Variants in FRAS1 observed in about 807,000 individuals in gnomAD.
FRAS1 encodes the protein Fraser extracellular matrix complex subunit 1.
Under a neutral mutation model 435.2 loss-of-function variants are expected in FRAS1, and 290 were observed. The ratio of observed to expected loss-of-function variants is 0.67; its 90% CI spans 0.61 to 0.73. The LOEUF is 0.73. FRAS1 is among the 30% of genes least tolerant of loss of function. The pLI is 0.00. For synonymous variants in FRAS1, 1,800 were observed against 1,851.0 expected (o/e 0.97, Z 0.71); for missense variants, 4,860 against 5,001.5 (o/e 0.97, Z 0.85).
intron 20 of FRAS1, among the ~76,000 whole-genome samples, chr4:78,339,274 T>G (rs1201521406): frequency 1.3e-5 from 2 of 152,250 alleles, no homozygotes; most frequent in Non-Finnish European, 2.9e-5. Context: ...ACTCTGAGAA[T>G]TAAATTGCTC....
chr4:78,503,138 C>T (rs1053189818), intron 61 of FRAS1, among the ~76,000 whole-genome samples: 19 of 152,100 alleles, frequency 1.2e-4, no homozygotes, highest in African/African-American at 4.6e-4. Context: ...TGAGGATTTT[C>T]GCATTGATGG....
In FRAS1 at chr4:78,446,718, T is replaced by C. The variant is rs758404916; in HGVS notation, c.5857-9T>C. On this transcript the variant is annotated splice_polypyrimidine_tract_variant and intron_variant, in intron 42 of 73. Coordinates refer to ENST00000512123, the MANE Select transcript of FRAS1 (RefSeq NM_025074.7). ...CTGTGTGAGATCTAATAGTTTATGC[T>C]TTAATCAGAGGAAGAACGATGAGCC... The C allele has an allele frequency of 6.2e-7, 1 of 1,611,500 alleles. No individual in the cohort carries two copies. The highest frequency in any genetic ancestry group is 1.3e-5 in the African/African-American group (1 of 74,926).
chr4:78,191,873 A>C (rs1197229107), intron 2 of FRAS1, among the ~76,000 whole-genome samples: 1 of 152,118 alleles, frequency 6.6e-6, no homozygotes. Flanking sequence ...ACATGAACTC[A>C]TCATTTTTTA....
chr4:78,135,027 A>T (rs767281621), intron 2 of FRAS1, among the ~76,000 whole-genome samples: 1 of 152,148 alleles, frequency 6.6e-6, no homozygotes, highest in Non-Finnish European at 1.5e-5. Context: ...GTAGGGTTTA[A>T]TTGTAGGAAA....
intron 3 of FRAS1, among the ~76,000 whole-genome samples, chr4:78,239,155 C>G (rs1220544503): frequency 3.3e-5 from 5 of 152,140 alleles, no homozygotes; most frequent in African/African-American, 1.2e-4. Context: ...AAAAGTCTCC[C>G]ATCTTTGTTA....
intron 2 of FRAS1, among the ~76,000 whole-genome samples, chr4:78,225,601 G>A (rs1264870219): frequency 1.3e-5 from 2 of 152,134 alleles, no homozygotes; most frequent in East Asian, 3.8e-4. Context: ...CAGATGTAAA[G>A]GACCAGGCTG....
chr4:78,127,898 C>G (rs994032900), intron 2 of FRAS1, among the ~76,000 whole-genome samples: 1 of 125,980 alleles, frequency 7.9e-6, no homozygotes, highest in Non-Finnish European at 1.7e-5. Context: ...GCTATCCCTT[C>G]CCCCTCCCCC....
At chr4:78,465,335 A>G (rs1719493577) in intron 49 of FRAS1, among the ~76,000 whole-genome samples, 2 of 152,198 alleles carry the variant, frequency 1.3e-5, no homozygotes, top group South Asian at 4.1e-4. Context: ...ACTTACTAGT[A>G]AAGAAAGAAG....
At chr4:78,450,449 T>C in intron 45 of FRAS1, 110 bp downstream of exon 45, 1 of 848,310 alleles carries the variant, frequency 1.2e-6, no homozygotes, top group East Asian at 2.5e-5. Context: ...ACTCTTTGTT[T>C]TGAGGAGCTT....
intron 2 of FRAS1, among the ~76,000 whole-genome samples, chr4:78,073,917 C>T (rs1740490588): frequency 1.3e-5 from 2 of 152,096 alleles, no homozygotes; most frequent in Admixed American, 1.3e-4. Context: ...GTAAAAGAGG[C>T]ATATAGCTTC....
chr4:78,332,730 A>G (rs1578257971), intron 18 of FRAS1, among the ~76,000 whole-genome samples: 1 of 152,092 alleles, frequency 6.6e-6, no homozygotes, highest in African/African-American at 2.4e-5. Context: ...CATTCATTCT[A>G]TTTCAGTAGC....
intron 66 of FRAS1, among the ~76,000 whole-genome samples, chr4:78,519,109 TC>T (rs1434316678): frequency 2.6e-5 from 4 of 152,236 alleles, no homozygotes; most frequent in Non-Finnish European, 5.9e-5. Context: ...TAGAGAAGCC[TC>T]TGCACGTGAC....
At chr4:78,204,052 C>T (rs1348078552) in intron 2 of FRAS1, among the ~76,000 whole-genome samples, 1 of 152,118 alleles carries the variant, frequency 6.6e-6, no homozygotes, top group African/African-American at 2.4e-5. Flanking sequence ...GTTAGGTAAG[C>T]TTCATTTAGG....
chr4:78,426,410 T>C (rs1346969586), intron 35 of FRAS1, among the ~76,000 whole-genome samples: 1 of 152,158 alleles, frequency 6.6e-6, no homozygotes, highest in Non-Finnish European at 1.5e-5. Flanking sequence ...TTCTGCCAGA[T>C]GTTCCTTTTT....
chr4:78,498,935 C>T (rs866627632), intron 60 of FRAS1, among the ~76,000 whole-genome samples: 22 of 152,118 alleles, frequency 1.4e-4, no homozygotes, highest in South Asian at 4.2e-4. Flanking sequence ...GTAGCCTCGA[C>T]CACCAGGGCT....
chr4:78,124,267 G>A (rs536287186), intron 2 of FRAS1, among the ~76,000 whole-genome samples: 2 of 152,270 alleles, frequency 1.3e-5, no homozygotes, highest in Admixed American at 1.3e-4. Context: ...TTATATGATG[G>A]ATTACGTTTA....
intron 2 of FRAS1, among the ~76,000 whole-genome samples, chr4:78,176,965 C>G (rs977273573): frequency 6.6e-6 from 1 of 152,164 alleles, no homozygotes; most frequent in African/African-American, 2.4e-5. Context: ...GGACCTTTGT[C>G]TTGTATTGCT....
chr4:78,176,625 A>G (rs2110044513), intron 2 of FRAS1, among the ~76,000 whole-genome samples: 1 of 152,218 alleles, frequency 6.6e-6, no homozygotes, highest in East Asian at 1.9e-4. Context: ...AATTCAACCA[A>G]CATTTTTTGA....
chr4:78,095,073 C>A (rs1560518040), intron 2 of FRAS1, among the ~76,000 whole-genome samples: 1 of 152,154 alleles, frequency 6.6e-6, no homozygotes, highest in Non-Finnish European at 1.5e-5. Context: ...TTTTAAAAAT[C>A]ACAATAATAA....
Sources: allele counts gnomAD v4.1 joint callset (sites outside exome capture counted in the v4.1 genomes callset), GRCh38; gene constraint gnomAD v4.1.1; transcripts MANE v1.5; gene names NCBI Gene and HGNC (gene_info 2026-07-23, HGNC 2026-07-21).